The following HIBCH variants were observed in gnomAD, a reference collection of about 807,000 sequenced individuals.
The protein encoded by HIBCH is 3-hydroxyisobutyryl-CoA hydrolase, also known as 3-hydroxyisobutyryl-CoA hydrolase, mitochondrial.
In HIBCH, 50 loss-of-function variants were observed where a neutral mutation model predicts 58.2. The ratio of observed to expected loss-of-function variants is 0.86; its 90% confidence interval spans 0.68 to 1.09. HIBCH has a LOEUF of 1.09. HIBCH is among the 50% of genes least tolerant of loss of function. The probability of loss-of-function intolerance (pLI) is 0.00; values close to 1 mark genes in which losing one functional copy is unlikely to be tolerated. For missense variants in HIBCH, 450 were observed against 449.7 expected, an observed-to-expected ratio of 1.00 and a Z score of -0.01; for synonymous variants, 151 against 146.9, an observed-to-expected ratio of 1.03 and a Z score of -0.20.
chr2:190,218,339 T>C (rs7590942), intron 11 of HIBCH, among the ~76,000 whole-genome samples: 45,868 of 152,004 alleles, frequency 0.3, 7,823 homozygotes, highest in East Asian at 0.47. Context: ...GCTACCTAAC[T>C]GTAAAAATTT....
Position 190,292,697 on chromosome 2 carries a change from C to CA in HIBCH, c.304+1848dup, listed in dbSNP as rs1398495668. Among the ~76,000 whole-genome samples, 6 of 152,156 alleles carry CA rather than the reference C, an allele frequency of 3.9e-5. No individual in the cohort carries two copies. The East Asian group carries it at 1.2e-3, about 29-fold the overall frequency. ...ATACCTAAACAAACAAACAAACAAA[C>CA]AAAAAATGACTATCTTTGTTTATCA... On this transcript the variant is annotated intron_variant, in intron 4 of 13. Coordinates refer to ENST00000359678, the MANE Select transcript of HIBCH (RefSeq NM_014362.4).
intron 13 of HIBCH, among the ~76,000 whole-genome samples, chr2:190,205,506 A>G (rs561548310): frequency 6.6e-6 from 1 of 152,306 alleles, no homozygotes; most frequent in East Asian, 1.9e-4. Context: ...AGTGGTTTAA[A>G]CATTAGAATT....
At chr2:190,318,644 C>G (rs951684573) in intron 1 of HIBCH, among the ~76,000 whole-genome samples, 1 of 152,144 alleles carries the variant, frequency 6.6e-6, no homozygotes, top group Non-Finnish European at 1.5e-5. Flanking sequence ...AATGACAGAT[C>G]CTTTCCTAAG....
At position 190,281,772 on chromosome 2, in the gene HIBCH, A is replaced by G. The variant is rs553426955; in HGVS notation, c.438+5814T>C. ...TTTATGTAAGCTATTAAAAGTAGCC[A>G]TGCAGCAGCCTGAATGCTTTGCGGA... On this transcript the variant is annotated intron_variant, in intron 6 of 13. Coordinates refer to ENST00000359678, the MANE Select transcript of HIBCH (RefSeq NM_014362.4). This position sits in a 1 kb window ranked among gnomAD's most constrained non-coding sequence, Gnocchi z 5.4. Among the ~76,000 whole-genome samples, 1 of 152,298 alleles carries G rather than the reference A, an allele frequency of 6.6e-6. No individual in the cohort carries two copies. Among genetic ancestry groups the G allele is most frequent in the African/African-American group, 2.4e-5 (1 of 41,566 alleles).
At chr2:190,244,293 G>A (rs573248322) in intron 11 of HIBCH, among the ~76,000 whole-genome samples, 39 of 152,202 alleles carry the variant, frequency 2.6e-4, no homozygotes, top group South Asian at 2.3e-3. Context: ...AGAGGTCCAC[G>A]AATGTCAATA....
chr2:190,249,803 CT>C, intron 8 of HIBCH, 77 bp from the exon 9 acceptor site: 1 of 933,022 alleles, frequency 1.1e-6, no homozygotes. Flanking sequence ...ATCTCATCTT[CT>C]TTTTTAGAAT....
chr2:190,284,129 T>C (rs1232708701), intron 6 of HIBCH, among the ~76,000 whole-genome samples: 2 of 152,242 alleles, frequency 1.3e-5, no homozygotes, highest in South Asian at 2.1e-4. Flanking sequence ...TTGAAAGTTA[T>C]TTATGTTCTT....
At chr2:190,303,439 CAAAA>C in intron 2 of HIBCH, among the ~76,000 whole-genome samples, 1 of 131,764 alleles carries the variant, frequency 7.6e-6, no homozygotes, top group Non-Finnish European at 1.6e-5. Flanking sequence ...AGGAAATGTT[CAAAA>C]AAAAAAAAAA....
chr2:190,245,800 G>C (rs1470183861), intron 10 of HIBCH, among the ~76,000 whole-genome samples: 4 of 152,112 alleles, frequency 2.6e-5, no homozygotes, highest in Non-Finnish European at 5.9e-5. Flanking sequence ...GACCAGCCTG[G>C]CCAACATGGC....
chr2:190,213,234 C>T, intron 11 of HIBCH, 159 bp from the exon 12 acceptor site: 1 of 611,906 alleles, frequency 1.6e-6, no homozygotes, highest in Non-Finnish European at 2.8e-6. Flanking sequence ...CAAAACTTTT[C>T]TAATCTGCTA....
At chr2:190,223,954 G>A (rs1575703690) in intron 11 of HIBCH, among the ~76,000 whole-genome samples, 2 of 152,202 alleles carry the variant, frequency 1.3e-5, no homozygotes, top group Non-Finnish European at 2.9e-5. Flanking sequence ...AGCAGGGCGG[G>A]GGATCGCCTC....
intron 1 of HIBCH, among the ~76,000 whole-genome samples, chr2:190,198,631 C>CCA (rs1690090458): frequency 1.4e-5 from 1 of 70,590 alleles, no homozygotes; most frequent in Non-Finnish European, 2.6e-5. Context: ...GACCCTGTCT[C>CCA]AAAAAAAAAA....
At chr2:190,223,710 T>C (rs1260473149) in intron 11 of HIBCH, among the ~76,000 whole-genome samples, 3 of 152,096 alleles carry the variant, frequency 2.0e-5, no homozygotes, top group Non-Finnish European at 2.9e-5. Flanking sequence ...GTGAGGAACA[T>C]GTTAGAGAAA....
At chr2:190,272,409 C>T (rs1412734694) in intron 6 of HIBCH, among the ~76,000 whole-genome samples, 1 of 152,180 alleles carries the variant, frequency 6.6e-6, no homozygotes, top group Non-Finnish European at 1.5e-5. Context: ...GGAATGAGCT[C>T]GTTTTATGGG....
chr2:190,251,862 G>A (rs754875958), intron 8 of HIBCH, among the ~76,000 whole-genome samples: 1 of 151,936 alleles, frequency 6.6e-6, no homozygotes, highest in Non-Finnish European at 1.5e-5. Context: ...GTACATATTA[G>A]ACTTTCTTAA....
At chr2:190,263,227 T>C (rs992556004) in intron 6 of HIBCH, among the ~76,000 whole-genome samples, 6 of 152,162 alleles carry the variant, frequency 3.9e-5, no homozygotes, top group African/African-American at 1.4e-4. Flanking sequence ...CCAAATATAA[T>C]ACTTTATTCC....
chr2:190,319,614 G>A (rs992481235), intron 1 of HIBCH, 102 bp downstream of exon 1: 10 of 1,014,718 alleles, frequency 9.9e-6, no homozygotes, highest in African/African-American at 4.7e-5. Flanking sequence ...CTCTGAGCGC[G>A]ACTCGAAACT....
chr2:190,192,490 GTA>G (rs1553490001), intron 1 of HIBCH, among the ~76,000 whole-genome samples: 3 of 144,302 alleles, frequency 2.1e-5, no homozygotes, highest in African/African-American at 7.7e-5. Context: ...GTGTGTGTGT[GTA>G]TCTATATATC....
At chr2:190,199,662 G>GTAAC, downstream of HIBCH, 1 of 1,353,646 alleles carries the variant, frequency 7.4e-7, no homozygotes, top group South Asian at 1.7e-5. Context: ...TTTGCATTCT[G>GTAAC]TAACTTCAAA....
Sources: allele counts gnomAD v4.1 joint callset (sites outside exome capture counted in the v4.1 genomes callset), GRCh38; gene constraint gnomAD v4.1.1; non-coding constraint Gnocchi (gnomAD v3.1); transcripts MANE v1.5; gene names NCBI Gene and HGNC (gene_info 2026-07-23, HGNC 2026-07-21).